MITF: variants seen among roughly 807,000 people sequenced by gnomAD.
MITF encodes the protein microphthalmia-associated transcription factor.
MITF carries 17 observed loss-of-function variants against 60.5 expected under a neutral mutation model. The ratio of observed to expected loss-of-function variants is 0.28; its 90% CI spans 0.19 to 0.42. The LOEUF is 0.42. MITF is among the 10% of genes least tolerant of loss of function. The pLI is 1.00. For synonymous variants in MITF, 260 were observed against 248.5 expected (o/e 1.05, Z -0.43); for missense variants, 622 against 683.5 (o/e 0.91, Z 1.00).
intron 1 of MITF, among the ~76,000 whole-genome samples, chr3:69,843,978 G>A (rs2063685680): frequency 1.3e-5 from 2 of 152,146 alleles, no homozygotes; most frequent in Admixed American, 1.3e-4. Flanking sequence ...CCACTTACGA[G>A]TGATAACATG....
chr3:69,838,476 G>T (rs955472638), intron 1 of MITF: 3 of 152,638 alleles, frequency 2.0e-5, no homozygotes, highest in African/African-American at 4.8e-5. Context: ...ATTTGCAGAA[G>T]TTCTTTAATA....
At chr3:69,787,398 A>G (rs749380292) in intron 1 of MITF, among the ~76,000 whole-genome samples, 3 of 152,198 alleles carry the variant, frequency 2.0e-5, no homozygotes, top group Non-Finnish European at 4.4e-5. Context: ...GTTAGCAGTT[A>G]TGTGTGAAAC....
At position 69,863,534 on chromosome 3, in the gene MITF, G is replaced by T. The variant is rs536634482; in HGVS notation, c.105-15600G>T. Among the ~76,000 whole-genome samples the T allele has an allele frequency of 2.0e-5, 3 of 152,268 alleles. No homozygotes were observed. The East Asian group carries it at 5.8e-4, about 29-fold the overall frequency. On this transcript the variant is annotated intron_variant, in intron 1 of 9. Coordinates refer to ENST00000352241, the MANE Select transcript of MITF (RefSeq NM_001354604.2). ...CCACATTATGTCCCCTTCGGGAAGG[G>T]CTGGAATTGATACCATTGGTTTCGT...
At chr3:69,928,576 C>T (rs1360451867) in intron 2 of MITF, among the ~76,000 whole-genome samples, 1 of 152,190 alleles carries the variant, frequency 6.6e-6, no homozygotes, top group African/African-American at 2.4e-5. Flanking sequence ...TACTTCTCAA[C>T]TCTGTTGCTT....
chr3:69,795,975 G>T (rs1223168865), intron 1 of MITF, among the ~76,000 whole-genome samples: 1 of 152,000 alleles, frequency 6.6e-6, no homozygotes, highest in East Asian at 1.9e-4. Context: ...TTAATCTTTT[G>T]TTGCTATTTT....
rs150968946 is a variant in MITF at position 69,809,946 on chromosome 3, C to T, written c.105-69188C>T. Among the ~76,000 whole-genome samples, 55 of 152,294 alleles carry T rather than the reference C, an allele frequency of 3.6e-4. 1 individual carries two copies. The highest frequency in any genetic ancestry group is 3.6e-3 in the Admixed American group (55 of 15,294). On this transcript the variant is annotated intron_variant, in intron 1 of 9. Coordinates refer to ENST00000352241, the MANE Select transcript of MITF (RefSeq NM_001354604.2). ...ATCTTGACAAATTATGAAATTTCAA[C>T]TCTAGTTTATACTTAGAGATTCTGT...
rs145255028 is a variant in MITF, at chr3:69,964,567, T to C, written c.1180-280T>C. On this transcript the variant is annotated intron_variant, in intron 9 of 9. Transcript: ENST00000352241. ...AAATTGAAATGAAGCTGCAGATATT[T>C]CCCATACACCTCATTCCCCCAAGCA... Among the ~76,000 whole-genome samples, 3 of 134,186 alleles carry C rather than the reference T, an allele frequency of 2.2e-5. 1 individual carries two copies. The highest frequency in any genetic ancestry group is 8.7e-5 in the African/African-American group (3 of 34,470). 88.0% of individuals were successfully genotyped at this position (134,186 alleles called of 152,430 possible).
chr3:69,849,255 C>T (rs1174442884), intron 1 of MITF, among the ~76,000 whole-genome samples: 1 of 152,194 alleles, frequency 6.6e-6, no homozygotes, highest in Middle Eastern at 3.4e-3. Context: ...TGAGCCACCG[C>T]GCCCGGCCGG....
chr3:69,761,990 A>G, intron 1 of MITF, among the ~76,000 whole-genome samples: 1 of 151,782 alleles, frequency 6.6e-6, no homozygotes, highest in African/African-American at 2.4e-5. Flanking sequence ...TGCTAACCTG[A>G]CTTGTTGATT....
At chr3:69,875,573 G>C (rs943878812) in intron 1 of MITF, among the ~76,000 whole-genome samples, 1 of 152,188 alleles carries the variant, frequency 6.6e-6, no homozygotes, top group Admixed American at 6.5e-5. Context: ...GATGAGTTCA[G>C]TTAGCTTTTA....
intron 1 of MITF, among the ~76,000 whole-genome samples, chr3:69,854,006 C>A (rs375306350): frequency 6.5e-4 from 99 of 151,958 alleles, no homozygotes; most frequent in African/African-American, 2.3e-3. Context: ...CACGCCACCA[C>A]GCCTGGCTAA....
intron 1 of MITF, among the ~76,000 whole-genome samples, chr3:69,804,318 T>C (rs2062970522): frequency 1.4e-5 from 2 of 141,156 alleles, no homozygotes; most frequent in African/African-American, 5.1e-5. Flanking sequence ...TCCTCTCCCC[T>C]ACCCCCTTTC....
chr3:69,879,113 T>G (rs753811514), intron 1 of MITF, 21 bp from the exon 2 acceptor site: 2 of 1,604,016 alleles, frequency 1.2e-6, no homozygotes, highest in Non-Finnish European at 8.5e-7. Context: ...AAATGTTGTA[T>G]GCATTTTGGT....
At chr3:69,956,378 A>G (rs1425048440) in intron 7 of MITF, 77 bp from the exon 8 acceptor site, 28 of 1,146,698 alleles carry the variant, frequency 2.4e-5, no homozygotes, top group Non-Finnish European at 3.6e-5. Flanking sequence ...GTTAATATGC[A>G]CATGCCTTTA....
At chr3:69,759,108 T>C (rs972412594) in intron 1 of MITF, among the ~76,000 whole-genome samples, 1 of 152,266 alleles carries the variant, frequency 6.6e-6, no homozygotes, top group Non-Finnish European at 1.5e-5. Context: ...GAATGATTAC[T>C]ACTAGGGAAA....
Position 69,938,245 on chromosome 3 carries a change from T to G in MITF, c.582+196T>G, listed in dbSNP as rs751541223. ...GCTGGGTTATTGGGTGTAGAGCACA[T>G]GACGGGAGACCTGGCCCTCTCCAAG... On this transcript the variant is annotated intron_variant, in intron 3 of 9. Transcript: ENST00000352241. 80 of 1,161,476 alleles carry G rather than the reference T, an allele frequency of 6.9e-5. No individual in the cohort carries two copies. The Middle Eastern group carries it at 1.0e-3, about 14-fold the overall frequency. The allele number at this position is 1,161,476 out of a possible 1,614,324, so 71.9% of individuals were successfully genotyped here.
At chr3:69,844,729 A>G (rs1559668941) in intron 1 of MITF, among the ~76,000 whole-genome samples, 1 of 152,212 alleles carries the variant, frequency 6.6e-6, no homozygotes, top group Non-Finnish European at 1.5e-5. Context: ...TGTATCTGAC[A>G]AAGGGCTAAT....
At chr3:69,845,871 G>A (rs2014255) in intron 1 of MITF, among the ~76,000 whole-genome samples, 23,018 of 152,106 alleles carry the variant, frequency 0.15, 2,042 homozygotes, top group South Asian at 0.21. Flanking sequence ...GAGCTTCCTC[G>A]GCAGGAGTGT....
At chr3:69,934,831 T>C (rs2065797023) in intron 2 of MITF, among the ~76,000 whole-genome samples, 1 of 152,140 alleles carries the variant, frequency 6.6e-6, no homozygotes, top group Non-Finnish European at 1.5e-5. Flanking sequence ...CAGTGTAAAA[T>C]AGAGATTATT....
Sources: gnomAD v4.1 joint callset for allele counts (sites outside exome capture counted in the v4.1 genomes callset) on GRCh38, gnomAD v4.1.1 for gene constraint, MANE v1.5 for transcripts, NCBI Gene and HGNC (gene_info 2026-07-23, HGNC 2026-07-21) for gene names.